The following CYTH1 variants were observed in gnomAD, a reference collection of about 807,000 sequenced individuals.
CYTH1 encodes the protein cytohesin 1, also known as cytohesin-1.
Under a neutral mutation model 61.8 loss-of-function variants are expected in CYTH1, and 18 were observed. The ratio of observed to expected loss-of-function variants is 0.29; its 90% confidence interval spans 0.20 to 0.43. The LOEUF (loss-of-function observed/expected upper bound fraction) is 0.43. CYTH1 is among the 20% of genes least tolerant of loss of function. The pLI is 1.00. For synonymous variants in CYTH1, 174 were observed against 184.3 expected, an observed-to-expected ratio of 0.94 and a Z score of 0.45; for missense variants, 336 against 510.5, an observed-to-expected ratio of 0.66 and a Z score of 3.29.
intron 12 of CYTH1, 53 bp downstream of exon 12, chr17:78,680,918 T>TTGAAA: frequency 1.3e-6 from 2 of 1,571,954 alleles, no homozygotes; most frequent in Non-Finnish European, 1.7e-6. Context: ...AAAAAAATCT[T>TTGAAA]TGAAATGCCC....
intron 9 of CYTH1, among the ~76,000 whole-genome samples, chr17:78,697,822 G>A (rs1360196920): frequency 6.6e-6 from 1 of 152,162 alleles, no homozygotes; most frequent in East Asian, 1.9e-4. Context: ...CCTCCCAGTG[G>A]TTATGGGGAC....
In CYTH1 at chr17:78,730,956, G is replaced by A. The variant is rs545704512; in HGVS notation, c.23-21224C>T. Among the ~76,000 whole-genome samples the A allele has an allele frequency of 3.8e-4, 57 of 151,448 alleles. No individual in the cohort carries two copies. The Middle Eastern group carries it at 0.02, about 54-fold the overall frequency. ...TGGGATTACAGGTGTGAGCCACCGC[G>A]CTCGGCACGAAATTATCTTCTTAAG... On this transcript the variant is annotated intron_variant, in intron 1 of 13. Transcript: ENST00000446868.
At chr17:78,761,785 A>C (rs2093429994) in intron 1 of CYTH1, among the ~76,000 whole-genome samples, 1 of 152,240 alleles carries the variant, frequency 6.6e-6, no homozygotes, top group South Asian at 2.1e-4. Context: ...TTTAAAGCTT[A>C]AATTCCTCTT....
Position 78,764,981 on chromosome 17 carries a change from C to T in CYTH1, c.22+17221G>A, listed in dbSNP as rs554179989. Among the ~76,000 whole-genome samples the T allele has an allele frequency of 4.6e-5, 7 of 152,022 alleles. No individual in the cohort carries two copies. The South Asian group carries it at 1.5e-3, about 32-fold the overall frequency. On this transcript the variant is annotated intron_variant, in intron 1 of 13. Transcript: ENST00000446868. ...GGGTGGCAAGCAGAGAGGAGGGGGGCACTGGCTGCTCAAGCAAACAGGGGA... is the reference window on the plus strand; with the variant it reads ...GGGTGGCAAGCAGAGAGGAGGGGGGTACTGGCTGCTCAAGCAAACAGGGGA...
chr17:78,690,292 GC>G (rs2092866407), intron 11 of CYTH1, among the ~76,000 whole-genome samples: 1 of 149,632 alleles, frequency 6.7e-6, no homozygotes, highest in Non-Finnish European at 1.5e-5. Context: ...TACTCCGGAG[GC>G]CGAGGCAGGA....
At chr17:78,772,076 T>C (rs1019382415) in intron 1 of CYTH1, among the ~76,000 whole-genome samples, 1 of 152,172 alleles carries the variant, frequency 6.6e-6, no homozygotes, top group Non-Finnish European at 1.5e-5. Context: ...CAACTGAAAC[T>C]AAATTGCAAC....
Position 78,680,209 on chromosome 17 carries a change from C to A in CYTH1, c.1099G>T (p.Glu367Ter). 4 of 1,614,192 alleles carry A rather than the reference C, an allele frequency of 2.5e-6. No individual in the cohort carries two copies. Among genetic ancestry groups the A allele is most frequent in the Non-Finnish European group, 3.4e-6 (4 of 1,180,022 alleles). ...ACTTACTTAATGCACTTAATCCACTCCTCCTTCTCCTCGGGCGTCGGAGCT... is the reference window on the plus strand; with the variant it reads ...ACTTACTTAATGCACTTAATCCACTACTCCTTCTCCTCGGGCGTCGGAGCT... ...ISAPTPEEKEEWIKCIKAAIS... is the reference protein window; with the variant it reads ...ISAPTPEEKE The change falls in exon 13 of 14, where the codon GAG becomes TAG. Residue 367 changes from glutamate to a stop codon, truncating the protein, a stop_gained. Coordinates refer to ENST00000446868, the MANE Select transcript of CYTH1 (RefSeq NM_004762.6). LOFTEE classifies it high-confidence loss of function.
chr17:78,780,591 C>T (rs183882871), intron 1 of CYTH1, among the ~76,000 whole-genome samples: 19 of 152,302 alleles, frequency 1.2e-4, no homozygotes, highest in Admixed American at 2.6e-4. Flanking sequence ...AACAAGTGGG[C>T]TGGGTGTGGT....
chr17:78,743,745 C>T (rs2093349992), intron 1 of CYTH1, among the ~76,000 whole-genome samples: 1 of 152,188 alleles, frequency 6.6e-6, no homozygotes, highest in South Asian at 2.1e-4. Context: ...TTTCCTTAAA[C>T]TATTTGCTCT....
At chr17:78,745,428 C>T (rs906729660) in intron 1 of CYTH1, among the ~76,000 whole-genome samples, 3 of 152,118 alleles carry the variant, frequency 2.0e-5, no homozygotes, top group Admixed American at 6.5e-5. Flanking sequence ...TAAGAAGAAA[C>T]CTGAAATTGA....
chr17:78,737,911 A>G (rs1283153753), intron 1 of CYTH1, among the ~76,000 whole-genome samples: 3 of 151,896 alleles, frequency 2.0e-5, no homozygotes, highest in Non-Finnish European at 4.4e-5. Context: ...GATATTTTAT[A>G]TGTCGTTTTA....
intron 10 of CYTH1, 40 bp from the exon 11 acceptor site, chr17:78,692,533 C>G: frequency 6.3e-7 from 1 of 1,598,954 alleles, no homozygotes; most frequent in Non-Finnish European, 8.6e-7. Flanking sequence ...CAAGAGACAA[C>G]CAGACAAGTG....
At chr17:78,758,719 A>C (rs2093411541) in intron 1 of CYTH1, among the ~76,000 whole-genome samples, 1 of 152,108 alleles carries the variant, frequency 6.6e-6, no homozygotes, top group Non-Finnish European at 1.5e-5. Flanking sequence ...CATCTCAAAA[A>C]AACAAAAAAG....
At chr17:78,744,145 C>T (rs1463963860) in intron 1 of CYTH1, among the ~76,000 whole-genome samples, 1 of 152,186 alleles carries the variant, frequency 6.6e-6, no homozygotes, top group Non-Finnish European at 1.5e-5. Flanking sequence ...TTTTCACTCG[C>T]TCTCTGTATC....
rs373377889 is a variant in CYTH1 at position 78,731,500 on chromosome 17, C to G, written c.23-21768G>C. Among the ~76,000 whole-genome samples, 19 of 152,142 alleles carry G rather than the reference C, an allele frequency of 1.2e-4. No homozygotes were observed. In the South Asian group the frequency reaches 2.3e-3, roughly 18 times the overall value. ...TCTCGTCGGGCGCGGTGGTTCACGC[C>G]TGTAATCCCAGCACTTTGGGAGGCC... On this transcript the variant is annotated intron_variant, in intron 1 of 13. Transcript: ENST00000446868.
intron 1 of CYTH1, among the ~76,000 whole-genome samples, chr17:78,774,763 T>G (rs2093484514): frequency 6.6e-6 from 1 of 152,174 alleles, no homozygotes; most frequent in Non-Finnish European, 1.5e-5. Context: ...TGACAGCTCT[T>G]CCTATAATTC....
intron 1 of CYTH1, among the ~76,000 whole-genome samples, chr17:78,733,817 C>T (rs888390309): frequency 3.6e-4 from 55 of 152,218 alleles, no homozygotes; most frequent in African/African-American, 1.3e-3. Context: ...ACAATGGGCA[C>T]ACCACAGGGC....
intron 10 of CYTH1, among the ~76,000 whole-genome samples, chr17:78,695,688 G>A (rs73389805): frequency 0.012 from 1,824 of 152,238 alleles, 32 homozygotes; most frequent in African/African-American, 0.041. Context: ...CAAACATAGC[G>A]CATGTCTTAG....
chr17:78,739,451 A>T (rs1215378162), intron 1 of CYTH1, among the ~76,000 whole-genome samples: 1 of 152,228 alleles, frequency 6.6e-6, no homozygotes, highest in Non-Finnish European at 1.5e-5. Flanking sequence ...GTGGAAGTGC[A>T]GTCAGGGAAG....
Sources: allele counts gnomAD v4.1 joint callset (sites outside exome capture counted in the v4.1 genomes callset), GRCh38; gene constraint gnomAD v4.1.1; transcripts MANE v1.5; gene names NCBI Gene and HGNC (gene_info 2026-07-23, HGNC 2026-07-21).